The following ELL3 variants were observed in gnomAD, a reference collection of about 807,000 sequenced individuals.
The protein encoded by ELL3 is RNA polymerase II elongation factor ELL3.
A neutral mutation model predicts 58.5 loss-of-function variants in ELL3; 48 were observed. That is an observed-to-expected ratio of 0.82 (90% CI 0.65 to 1.04). The LOEUF (loss-of-function observed/expected upper bound fraction) is 1.04, where lower values mean the gene tolerates loss of function less well. ELL3 is among the 50% of genes least tolerant of loss of function. The pLI, the probability that ELL3 is intolerant of heterozygous loss-of-function variation, is 0.00. For missense variants in ELL3, 458 were observed against 478.4 expected (o/e 0.96, Z 0.40); for synonymous variants, 174 against 173.2 (o/e 1.00, Z -0.04).
intron 9 of ELL3, among the ~76,000 whole-genome samples, chr15:43,773,701 GAAAAA>G (rs980228007): frequency 7.3e-6 from 1 of 136,486 alleles, no homozygotes; most frequent in Non-Finnish European, 1.6e-5. Context: ...GTCTCAAAAA[GAAAAA>G]AAAAAGAGAG....
Position 43,776,142 on chromosome 15 carries a change from G to T in ELL3, c.178C>A (p.Leu60Ile), listed in dbSNP as rs1567162114. 6.2e-7 allele frequency: 1 copy of T among 1,613,942 alleles called. No homozygotes were observed. The highest frequency in any genetic ancestry group is 1.3e-5 in the African/African-American group (1 of 74,918). Residue 60 changes from leucine (L) to isoleucine (I), a missense_variant, in exon 3 of 11, where the codon CTC becomes ATC. Transcript: ENST00000319359. ...AGGCAGGACCAACCAGGGCCTGGGA[G>T]TCTCAGATACTGGGGGTGGAAGGAG... is the stretch of plus-strand genomic sequence containing the variant. ...AFQGHRGYLRLPGPGWSCLFS... is the reference protein window; with the variant it reads ...AFQGHRGYLRIPGPGWSCLFS...
Position 43,774,239 on chromosome 15 carries a change from C to A in ELL3, c.981G>T (p.Arg327Ser), listed in dbSNP as rs772702286. 2 of 1,614,172 alleles carry A rather than the reference C, an allele frequency of 1.2e-6. No homozygotes were observed. Among genetic ancestry groups the A allele is most frequent in the South Asian group, 2.2e-5 (2 of 91,076 alleles). Residue 327 changes from arginine (R) to serine (S), a missense_variant, in exon 9 of 11, where the codon AGG (arginine) becomes AGT (serine). Transcript: ENST00000319359. Reference sequence around the variant, plus strand: ...TAATCTCTGCTCCCAGCTCTATGAACCTTTGGCTTGCAGTCCCAACACGGG... The same window carrying A: ...TAATCTCTGCTCCCAGCTCTATGAAACTTTGGCTTGCAGTCCCAACACGGG... Reference protein sequence around the residue: ...LHARVGTASQRFIELGAEIKR... With the variant: ...LHARVGTASQSFIELGAEIKR...
Position 43,775,178 on chromosome 15 carries a change from T to C in ELL3, c.645+128A>G, listed in dbSNP as rs1186543174. 2.2e-5 allele frequency: 19 copies of C among 872,014 alleles called. No individual in the cohort carries two copies. The South Asian group carries it at 2.3e-4, about 11-fold the overall frequency. 54.0% of individuals were successfully genotyped at this position (872,014 alleles called of 1,614,324 possible). ...CAGAGAGACCTTGTCTCTAAAAAAA[T>C]TCCTCCCATATAACGAGCTTCCAAT... On this transcript the variant is annotated intron_variant, in intron 6 of 10. Coordinates refer to ENST00000319359, the MANE Select transcript of ELL3 (RefSeq NM_025165.3).
Position 43,772,873 on chromosome 15 carries a change from A to G in ELL3, c.*243T>C. On this transcript the variant is annotated 3_prime_UTR_variant, in exon 11 of 11. Coordinates refer to ENST00000319359, the MANE Select transcript of ELL3 (RefSeq NM_025165.3). ...GACTTGGCTGAACTAAAGGTAAAAA[A>G]GCCAAGCCTCTGTCACTTTTCCTAG... The G allele has an allele frequency of 2.8e-6, 1 of 354,920 alleles. No individual in the cohort carries two copies. Among genetic ancestry groups the G allele is most frequent in the Non-Finnish European group, 5.0e-6 (1 of 199,274 alleles). 22.0% of individuals were successfully genotyped at this position (354,920 alleles called of 1,614,324 possible). A position where few individuals can be genotyped will look rare whatever the true frequency, so the allele number is the denominator to read the frequency against.
At position 43,776,898 on chromosome 15, in the gene ELL3, C is replaced by T. The variant is rs2086923072; in HGVS notation, c.4G>A (p.Glu2Lys). 4 of 1,610,682 alleles carry T rather than the reference C, an allele frequency of 2.5e-6. No homozygotes were observed. The Middle Eastern group carries it at 5.0e-4, about 199-fold the overall frequency. Reference protein sequence around the residue: MEELQEPLRGQL... With the variant: MKELQEPLRGQL... ...CCTCTCAGAGGCTCCTGGAGCTCCT[C>T]CATGGCGACGAGTTCGAGTGCAAGC... Residue 2 changes from glutamate (E) to lysine (K), a missense_variant, in exon 1 of 11, where the codon GAG becomes AAG. Glu to Lys is a moderately conservative substitution (Grantham distance 56). Transcript: ENST00000319359.
rs1030763566 is a variant in ELL3, at chr15:43,774,581, C to T, written c.823+15G>A. 3 of 1,613,806 alleles carry T rather than the reference C, an allele frequency of 1.9e-6. No individual in the cohort carries two copies. The highest frequency in any genetic ancestry group is 2.5e-6 in the Non-Finnish European group (3 of 1,179,894). ...CTTTTCCACTGGCATTTTTACCCTC[C>T]TCTCATTAACTCACCTTCTTGAACT... On this transcript the variant is annotated intron_variant, in intron 7 of 10. Transcript: ENST00000319359.
chr15:43,774,969 C>CA (rs35794833), intron 6 of ELL3, among the ~76,000 whole-genome samples, 196 bp from the exon 7 acceptor site: 1 of 151,300 alleles, frequency 6.6e-6, no homozygotes, highest in African/African-American at 2.4e-5. Context: ...CCTATCTCTA[C>CA]AAAAAAATAA....
At chr15:43,773,724 A>C (rs2086895297) in intron 9 of ELL3, among the ~76,000 whole-genome samples, 1 of 151,534 alleles carries the variant, frequency 6.6e-6, no homozygotes, top group African/African-American at 2.4e-5. Flanking sequence ...GAGAGGGGCC[A>C]GGCGCAGTGG....
At chr15:43,773,247 T>C in intron 10 of ELL3, 21 bp from the exon 11 acceptor site, 1 of 1,613,746 alleles carries the variant, frequency 6.2e-7, no homozygotes, top group Non-Finnish European at 8.5e-7. Context: ...AAAGCATCCA[T>C]GTCAAAAAGT....
chr15:43,776,367 G>T lies in ELL3; in HGVS notation c.168+142C>A, dbSNP rs534610444. 16 of 1,372,298 alleles carry T rather than the reference G, an allele frequency of 1.2e-5. No individual in the cohort carries two copies. The African/African-American group carries it at 1.6e-4, about 14-fold the overall frequency. 85.0% of individuals were successfully genotyped at this position (1,372,298 alleles called of 1,614,324 possible). A position where few individuals can be genotyped will look rare whatever the true frequency, so the allele number is the denominator to read the frequency against. ...CTGGGACAACCCCAGCAGCCTCCTC[G>T]CCCCACTTGGAGTTCAGTTATCGGA... On this transcript the variant is annotated intron_variant, in intron 2 of 10. Coordinates refer to ENST00000319359, the MANE Select transcript of ELL3 (RefSeq NM_025165.3).
At chr15:43,774,017 A>C (rs1324294453) in intron 9 of ELL3, among the ~76,000 whole-genome samples, 165 bp downstream of exon 9, 1 of 152,156 alleles carries the variant, frequency 6.6e-6, no homozygotes, top group Non-Finnish European at 1.5e-5. Flanking sequence ...AAAGAAGGGA[A>C]GTAACTTCCC....
chr15:43,776,335 C>A, intron 2 of ELL3, 174 bp downstream of exon 2: 1 of 1,201,486 alleles, frequency 8.3e-7, no homozygotes. Context: ...CCTCAAACCA[C>A]AGCCCCCTGG....
intron 6 of ELL3, 62 bp downstream of exon 6, chr15:43,775,244 T>A (rs538371277): frequency 1.4e-6 from 2 of 1,477,516 alleles, no homozygotes; most frequent in Non-Finnish European, 1.8e-6. Context: ...TTCAAAATAG[T>A]CTTTGCCACT....
In ELL3 at chr15:43,773,196, G is replaced by T; in HGVS notation, c.1114C>A (p.Arg372Ser). ...QYPSYREEKR[R>S]CEYLHQKLSH... ...AATTTCTGGTGAAGGTACTCACAGC[G>T]ACGCTTTTCTTCTCTGTAACTTGGG... The change falls in exon 11 of 11, where the codon CGC becomes AGC. Residue 372 changes from arginine to serine, a missense_variant. Transcript: ENST00000319359. The T allele has an allele frequency of 1.2e-6, 2 of 1,613,944 alleles. No homozygotes were observed. The highest frequency in any genetic ancestry group is 1.7e-6 in the Non-Finnish European group (2 of 1,179,970).
At chr15:43,775,203 T>A in intron 6 of ELL3, 103 bp downstream of exon 6, 1 of 1,211,616 alleles carries the variant, frequency 8.3e-7, no homozygotes, top group Non-Finnish European at 1.1e-6. Context: ...GAGCTTCCAA[T>A]TTCTAAATTT....
rs372361245 is a variant in ELL3 at position 43,774,438 on chromosome 15, A to G, written c.866+38T>C. 32 of 1,613,964 alleles carry G rather than the reference A, an allele frequency of 2.0e-5. No homozygotes were observed. In the African/African-American group the frequency reaches 4.3e-4, roughly 22 times the overall value. On this transcript the variant is annotated intron_variant, in intron 8 of 10. Coordinates refer to ENST00000319359, the MANE Select transcript of ELL3 (RefSeq NM_025165.3). ...CCAGGAAGTGTATCTTAATATATGA[A>G]CAAGTCTTGATGAAATTGGAAAAAG...
chr15:43,776,570 GT>G (rs2086919439), intron 1 of ELL3, 26 bp from the exon 2 acceptor site: 1 of 1,563,690 alleles, frequency 6.4e-7, no homozygotes, highest in Admixed American at 1.9e-5. Flanking sequence ...AGATGTGACC[GT>G]TGAGCGCAGG....
Position 43,774,192 on chromosome 15 carries a change from G to A in ELL3, c.1028C>T (p.Pro343Leu). The A allele has an allele frequency of 6.2e-7, 1 of 1,614,142 alleles. No homozygotes were observed. The highest frequency in any genetic ancestry group is 8.5e-7 in the Non-Finnish European group (1 of 1,180,014). ...GGGTCCTGTCCTTACCTTGTATTCT[G>A]GAGTTCCTCGCCGAACTCTTTTAAT... Reference protein sequence around the residue: ...AEIKRVRRGTPEYKVLEDKII... With the variant: ...AEIKRVRRGTLEYKVLEDKII... Residue 343 changes from proline (P) to leucine (L), a missense_variant, in exon 9 of 11, where the codon CCA (proline) becomes CTA (leucine). By Grantham distance (98) the Pro-to-Leu change is moderately conservative (BLOSUM62 -3). Coordinates refer to ENST00000319359, the MANE Select transcript of ELL3 (RefSeq NM_025165.3).
intron 6 of ELL3, 78 bp downstream of exon 6, chr15:43,775,228 G>A (rs571954390): frequency 7.1e-7 from 1 of 1,398,734 alleles, no homozygotes; most frequent in African/African-American, 1.5e-5. Context: ...TTGACTAAAA[G>A]TGCTTTTCAA....
Sources: gnomAD v4.1 joint callset for allele counts (sites outside exome capture counted in the v4.1 genomes callset) on GRCh38, gnomAD v4.1.1 for gene constraint, MANE v1.5 for transcripts, NCBI Gene and HGNC (gene_info 2026-07-23, HGNC 2026-07-21) for gene names.